The following NAV3 variants were observed in gnomAD, a reference collection of about 807,000 sequenced individuals.
NAV3 encodes the protein pore membrane and/or filament interacting like protein 1.
NAV3 carries 87 observed loss-of-function variants against 244.7 expected under a neutral mutation model. That is an observed-to-expected ratio of 0.36 (90% CI 0.30 to 0.42). The LOEUF (loss-of-function observed/expected upper bound fraction) is 0.42, where lower values mean the gene tolerates loss of function less well. Among genes scored for constraint, NAV3 ranks in the 20% least tolerant of loss-of-function variants. The pLI, the probability that NAV3 is intolerant of heterozygous loss-of-function variation, is 1.00. For synonymous variants in NAV3, 1,126 were observed against 1,042.2 expected, an observed-to-expected ratio of 1.08 and a Z score of -1.55; for missense variants, 2,663 against 2,893.3, an observed-to-expected ratio of 0.92 and a Z score of 1.83.
At chr12:78,133,125 C>T (rs1956232039) in intron 18 of NAV3, among the ~76,000 whole-genome samples, 1 of 152,056 alleles carries the variant, frequency 6.6e-6, no homozygotes, top group Middle Eastern at 3.2e-3. Flanking sequence ...CATTTTCACC[C>T]ATTGGAAGGT....
At chr12:77,704,364 T>A (rs1875696246) in intron 2 of NAV3, among the ~76,000 whole-genome samples, 1 of 152,150 alleles carries the variant, frequency 6.6e-6, no homozygotes, top group African/African-American at 2.4e-5. Context: ...CTGAAGTTTT[T>A]AAGATATTAT....
chr12:77,872,208 A>T (rs898384715), intron 1 of NAV3, among the ~76,000 whole-genome samples: 5 of 152,160 alleles, frequency 3.3e-5, no homozygotes, highest in African/African-American at 1.2e-4. Flanking sequence ...ATTAAGAACC[A>T]CACACATGGT....
chr12:77,726,198 C>G (rs967371505), intron 2 of NAV3, among the ~76,000 whole-genome samples: 2 of 151,826 alleles, frequency 1.3e-5, no homozygotes, highest in Admixed American at 6.6e-5. Context: ...AGTTGAAATA[C>G]TATGTGTGTA....
chr12:77,798,183 C>A (rs1022150296), intron 2 of NAV3, among the ~76,000 whole-genome samples: 1 of 150,838 alleles, frequency 6.6e-6, no homozygotes, highest in African/African-American at 2.4e-5. Context: ...AACAAACAAA[C>A]AAACAGCAAC....
chr12:78,117,788 A>G (rs1955485762), intron 13 of NAV3, among the ~76,000 whole-genome samples: 1 of 152,150 alleles, frequency 6.6e-6, no homozygotes, highest in East Asian at 1.9e-4. Flanking sequence ...GACATTTGAT[A>G]TAGAAAATTT....
At chr12:77,854,987 C>A (rs1294302696) in intron 1 of NAV3, among the ~76,000 whole-genome samples, 1 of 151,880 alleles carries the variant, frequency 6.6e-6, no homozygotes, top group Non-Finnish European at 1.5e-5. Context: ...ATTAGCTGGG[C>A]GTGGTGGCGG....
Position 77,994,846 on chromosome 12 carries a change from G to T in NAV3, c.715G>T (p.Ala239Ser), listed in dbSNP as rs2136402256. The T allele has an allele frequency of 6.2e-7, 1 of 1,608,830 alleles. No homozygotes were observed. The highest frequency in any genetic ancestry group is 1.1e-5 in the South Asian group (1 of 90,408). ...YATQSNHSGI[A>S]TSQKKPTRLP... ...AACTCAGTCTAATCACAGTGGAATT[G>T]CAACCAGTCAAAAAAAGCCTACTAG... The change falls in exon 6 of 40, where the codon GCA becomes TCA. Residue 239 changes from alanine (A) to serine (S), a missense_variant. Ala to Ser is a moderately conservative substitution (Grantham distance 99). Transcript: ENST00000397909.
At chr12:77,936,444 T>C (rs1163166622) in intron 1 of NAV3, among the ~76,000 whole-genome samples, 1 of 152,190 alleles carries the variant, frequency 6.6e-6, no homozygotes, top group Admixed American at 6.5e-5. Flanking sequence ...AGATAAATCG[T>C]ATTGGAAGCT....
intron 6 of NAV3, among the ~76,000 whole-genome samples, chr12:77,995,782 A>G (rs914831019): frequency 6.6e-6 from 1 of 152,198 alleles, no homozygotes; most frequent in Non-Finnish European, 1.5e-5. Context: ...ATTAAAAACT[A>G]GAATAAATGA....
chr12:77,768,307 G>A (rs1409514858), intron 2 of NAV3, among the ~76,000 whole-genome samples: 2 of 152,174 alleles, frequency 1.3e-5, no homozygotes, highest in East Asian at 1.9e-4. Context: ...GCTTGAAGGT[G>A]GGGTTTCACC....
At chr12:77,670,577 G>C (rs1200963699) in intron 2 of NAV3, among the ~76,000 whole-genome samples, 1 of 151,906 alleles carries the variant, frequency 6.6e-6, no homozygotes, top group Non-Finnish European at 1.5e-5. Context: ...CATATCAAAA[G>C]GATAATCCAC....
chr12:77,953,666 C>T (rs1048872426), intron 3 of NAV3, among the ~76,000 whole-genome samples: 2 of 152,122 alleles, frequency 1.3e-5, no homozygotes, highest in Admixed American at 6.6e-5. Context: ...AAGGAAAGCC[C>T]GCAAGGCGTT....
At chr12:78,047,347 C>A (rs1454452574) in intron 9 of NAV3, among the ~76,000 whole-genome samples, 1 of 151,718 alleles carries the variant, frequency 6.6e-6, no homozygotes, top group African/African-American at 2.4e-5. Context: ...ATTAGCCAGG[C>A]CTGGCAACGG....
chr12:77,997,469 A>C (rs1566000298), intron 6 of NAV3, among the ~76,000 whole-genome samples: 1 of 152,216 alleles, frequency 6.6e-6, no homozygotes, highest in Non-Finnish European at 1.5e-5. Flanking sequence ...CAAATAAAGC[A>C]GCAGTAAGTT....
At chr12:77,660,594 A>G (rs902372541) in intron 2 of NAV3, among the ~76,000 whole-genome samples, 3 of 152,136 alleles carry the variant, frequency 2.0e-5, no homozygotes, top group African/African-American at 7.2e-5. Flanking sequence ...TTTTGAGGAA[A>G]CAGGTATGAT....
At chr12:78,166,388 C>G (rs1297699348) in intron 23 of NAV3, among the ~76,000 whole-genome samples, 1 of 151,464 alleles carries the variant, frequency 6.6e-6, no homozygotes, top group Non-Finnish European at 1.5e-5. Flanking sequence ...CAAGTTTGAA[C>G]AGATTATGTC....
chr12:77,608,368 G>A (rs1206647528), intron 2 of NAV3, among the ~76,000 whole-genome samples: 2 of 152,054 alleles, frequency 1.3e-5, no homozygotes, highest in African/African-American at 2.4e-5. Context: ...AGCTTAGAAT[G>A]TTCTGCCAAA....
At position 77,643,145 on chromosome 12, in the gene NAV3, A is replaced by G. The variant is rs149843864; in HGVS notation, c.72+70879A>G. On this transcript the variant is annotated intron_variant, in intron 2 of 8. Transcript: ENST00000550042. The stretch of plus-strand genomic sequence containing the variant: ...CATACTCTATAACCTCCTTGATAAA[A>G]CATGTCTTAAATTCCTCGTATGTTC... 1.4e-3 allele frequency among the ~76,000 whole-genome samples: 209 copies of G among 152,066 alleles called. 1 individual carries two copies. The highest frequency in any genetic ancestry group is 4.6e-3 in the African/African-American group (192 of 41,538).
intron 1 of NAV3, among the ~76,000 whole-genome samples, chr12:77,858,450 A>G (rs1878727573): frequency 6.6e-6 from 1 of 152,088 alleles, no homozygotes; most frequent in South Asian, 2.1e-4. Context: ...AATGCATATA[A>G]CCACCAACTT....
Sources: allele counts gnomAD v4.1 joint callset (sites outside exome capture counted in the v4.1 genomes callset), GRCh38; gene constraint gnomAD v4.1.1; transcripts MANE v1.5; gene names NCBI Gene and HGNC (gene_info 2026-07-23, HGNC 2026-07-21).